SYN3: variants seen among roughly 807,000 people sequenced by gnomAD.
SYN3 encodes synapsin-3.
A neutral mutation model predicts 65.8 loss-of-function variants in SYN3; 35 were observed. The observed-to-expected ratio is 0.53, with a 90% CI of 0.41 to 0.70. SYN3 has a LOEUF of 0.70. SYN3 is among the 30% of genes least tolerant of loss of function. SYN3 has a pLI of 0.00. For synonymous variants in SYN3, 270 were observed against 292.9 expected (o/e 0.92, Z 0.80); for missense variants, 680 against 749.0 (o/e 0.91, Z 1.08).
intron 1 of SYN3, among the ~76,000 whole-genome samples, chr22:33,036,678 CTTTTTTTTTTTTTTTT>C (rs133977): frequency 6.0e-5 from 6 of 99,536 alleles, no homozygotes; most frequent in Admixed American, 1.1e-4. Context: ...AGCCCAAGTT[CTTTTTTTTTTTTTTTT>C]TTTTTTTTTT....
chr22:32,758,965 C>T (rs1288314748), intron 6 of SYN3, among the ~76,000 whole-genome samples: 2 of 151,668 alleles, frequency 1.3e-5, no homozygotes, highest in East Asian at 3.9e-4. Flanking sequence ...CAAAAGTCTT[C>T]CCACAAGTTT....
rs130749 is a variant in SYN3, at chr22:32,676,710, GTTT to G, written c.712-79977_712-79975del. Among the ~76,000 whole-genome samples, 49 of 133,802 alleles carry G rather than the reference GTTT, an allele frequency of 3.7e-4. 2 individuals carry two copies. The highest frequency in any genetic ancestry group is 5.0e-4 in the South Asian group (2 of 3,994). 87.8% of individuals were successfully genotyped at this position (133,802 alleles called of 152,430 possible). The stretch of plus-strand genomic sequence containing the variant: ...CACCACCACTCCCGGTTAATTTTTT[GTTT>G]TTTTTTTTTTTAGTAGAGACGGGGT... On this transcript the variant is annotated intron_variant, in intron 6 of 13. Transcript: ENST00000358763.
At chr22:32,653,551 C>G (rs1354069282) in intron 6 of SYN3, among the ~76,000 whole-genome samples, 1 of 152,120 alleles carries the variant, frequency 6.6e-6, no homozygotes, top group East Asian at 1.9e-4. Flanking sequence ...CTGCAGGGAC[C>G]AGGCTCATGG....
At chr22:32,625,962 A>C (rs557738320) in intron 6 of SYN3, among the ~76,000 whole-genome samples, 1 of 152,346 alleles carries the variant, frequency 6.6e-6, no homozygotes, top group Admixed American at 6.5e-5. Flanking sequence ...GTTTCAAATC[A>C]GACAGAGCTC....
chr22:33,047,012 C>CTA (rs1042402214), intron 1 of SYN3, among the ~76,000 whole-genome samples: 2 of 152,030 alleles, frequency 1.3e-5, no homozygotes, highest in African/African-American at 4.8e-5. Context: ...GTACTCTTTT[C>CTA]TACAGGTATT....
chr22:33,057,382 A>T (rs188495677), intron 1 of SYN3, among the ~76,000 whole-genome samples: 93 of 152,318 alleles, frequency 6.1e-4, no homozygotes, highest in African/African-American at 2.1e-3. Context: ...TCTGCTGTAG[A>T]ATTATCTGAT....
chr22:32,598,596 C>T (rs2059236953), intron 6 of SYN3, among the ~76,000 whole-genome samples: 1 of 152,200 alleles, frequency 6.6e-6, no homozygotes. Context: ...AGCGATTCTC[C>T]TGCCTCAGCC....
rs78391937 is a variant in SYN3, at chr22:32,639,262, TAA to T, written c.712-42528_712-42527del. Among the ~76,000 whole-genome samples the T allele has an allele frequency of 4.1e-4, 63 of 152,208 alleles. 1 individual carries two copies. In the East Asian group the frequency reaches 0.01, roughly 25 times the overall value. On this transcript the variant is annotated intron_variant, in intron 6 of 13. Transcript: ENST00000358763. Reference sequence around the variant, plus strand: ...GCCACCACGCCTGGCCCATTTTGGTTAATTTTTTTACATGGTGAAAGGTAGGA... The same window carrying T: ...GCCACCACGCCTGGCCCATTTTGGTTTTTTTTTACATGGTGAAAGGTAGGA...
chr22:32,869,512 C>T (rs2146349568), intron 4 of SYN3, among the ~76,000 whole-genome samples: 1 of 152,008 alleles, frequency 6.6e-6, no homozygotes, highest in South Asian at 2.1e-4. Flanking sequence ...AGGACAACTG[C>T]CCTAGGAGGT....
intron 3 of SYN3, among the ~76,000 whole-genome samples, chr22:32,938,839 A>G (rs1314698865): frequency 6.6e-6 from 1 of 151,910 alleles, no homozygotes; most frequent in Non-Finnish European, 1.5e-5. Flanking sequence ...GAGGCACAAG[A>G]ATCACTTGAA....
At chr22:32,525,139 T>G (rs1292705824) in intron 12 of SYN3, among the ~76,000 whole-genome samples, 2 of 152,196 alleles carry the variant, frequency 1.3e-5, no homozygotes, top group African/African-American at 4.8e-5. Context: ...TTAATAATAT[T>G]TGGGATTCAT....
intron 2 of SYN3, 88 bp downstream of exon 2, chr22:33,006,264 C>T: frequency 7.0e-7 from 1 of 1,435,946 alleles, no homozygotes; most frequent in South Asian, 1.4e-5. Context: ...CCTCTCATAG[C>T]TCTCCCCTTC....
chr22:33,016,566 T>C (rs1156716091), intron 1 of SYN3, among the ~76,000 whole-genome samples: 2 of 152,240 alleles, frequency 1.3e-5, no homozygotes, highest in Non-Finnish European at 2.9e-5. Context: ...CCAACACTTG[T>C]ATCTGACATC....
At chr22:33,037,443 C>CAGAAAAGT (rs2053881643) in intron 1 of SYN3, among the ~76,000 whole-genome samples, 1 of 152,174 alleles carries the variant, frequency 6.6e-6, no homozygotes, top group East Asian at 1.9e-4. Flanking sequence ...GAACCAGACC[C>CAGAAAAGT]AGAAAAGTAT....
intron 6 of SYN3, among the ~76,000 whole-genome samples, chr22:32,717,818 G>A (rs1019848732): frequency 2.6e-5 from 4 of 152,144 alleles, no homozygotes; most frequent in African/African-American, 7.2e-5. Context: ...CTTCCACTGC[G>A]GATCTGACTT....
chr22:32,966,048 G>A (rs1441345371), intron 3 of SYN3, among the ~76,000 whole-genome samples: 1 of 152,132 alleles, frequency 6.6e-6, no homozygotes, highest in African/African-American at 2.4e-5. Flanking sequence ...CACATAGGCA[G>A]TCAATGAATA....
intron 4 of SYN3, among the ~76,000 whole-genome samples, chr22:32,898,103 C>T (rs1268569731): frequency 6.6e-6 from 1 of 152,210 alleles, no homozygotes. Context: ...TCAAGCGATT[C>T]TCCTGCCTCA....
At chr22:32,851,596 A>C (rs1189716960) in intron 6 of SYN3, among the ~76,000 whole-genome samples, 1 of 152,130 alleles carries the variant, frequency 6.6e-6, no homozygotes, top group African/African-American at 2.4e-5. Flanking sequence ...GCTGGGAATT[A>C]GATGTAGGAT....
chr22:33,013,559 A>G (rs1428437934), intron 1 of SYN3, among the ~76,000 whole-genome samples: 1 of 152,200 alleles, frequency 6.6e-6, no homozygotes, highest in Non-Finnish European at 1.5e-5. Context: ...TTTCTGTGGA[A>G]AAAAAATTTA....
Sources: gnomAD v4.1 joint callset for allele counts (sites outside exome capture counted in the v4.1 genomes callset) on GRCh38, gnomAD v4.1.1 for gene constraint, MANE v1.5 for transcripts, NCBI Gene and HGNC (gene_info 2026-07-23, HGNC 2026-07-21) for gene names.